BBX: variants seen among roughly 807,000 people sequenced by gnomAD.
The protein encoded by BBX is HMG box transcription factor BBX.
BBX carries 30 observed loss-of-function variants against 100.2 expected under a neutral mutation model. The ratio of observed to expected loss-of-function variants is 0.30; its 90% CI spans 0.22 to 0.41. The LOEUF (loss-of-function observed/expected upper bound fraction) is 0.41. Ranked by LOEUF, BBX falls within the 10% of genes least tolerant of loss-of-function variation. BBX has a pLI of 1.00. For synonymous variants in BBX, 376 were observed against 388.1 expected (o/e 0.97, Z 0.37); for missense variants, 1,023 against 1,129.8 (o/e 0.91, Z 1.35).
intron 2 of BBX, among the ~76,000 whole-genome samples, chr3:107,551,314 CTT>C (rs2049658293): frequency 6.6e-6 from 1 of 152,162 alleles, no homozygotes; most frequent in African/African-American, 2.4e-5. Context: ...AGTGACAACA[CTT>C]TGTTGATTTT....
chr3:107,726,976 G>A (rs927005352), intron 5 of BBX, among the ~76,000 whole-genome samples: 1 of 152,070 alleles, frequency 6.6e-6, no homozygotes, highest in African/African-American at 2.4e-5. Flanking sequence ...ATTAGTTTAA[G>A]CTGGACTCTA....
chr3:107,614,008 G>C (rs150061418), intron 2 of BBX, among the ~76,000 whole-genome samples: 10,260 of 134,332 alleles, frequency 0.076, 467 homozygotes, highest in Admixed American at 0.1. Flanking sequence ...CTGGAGTGCA[G>C]TGGCGCAATC....
intron 3 of BBX, among the ~76,000 whole-genome samples, chr3:107,648,259 G>A (rs1310970963): frequency 6.6e-6 from 1 of 152,044 alleles, no homozygotes; most frequent in Non-Finnish European, 1.5e-5. Flanking sequence ...CAATTCAAGA[G>A]TTTCTTGATG....
intron 3 of BBX, among the ~76,000 whole-genome samples, chr3:107,647,523 C>A (rs964521252): frequency 1.3e-5 from 2 of 152,142 alleles, no homozygotes; most frequent in Non-Finnish European, 2.9e-5. Flanking sequence ...ACCTTAATTG[C>A]AGATGGCTAA....
chr3:107,572,236 G>A (rs974312564), intron 2 of BBX, among the ~76,000 whole-genome samples: 8 of 152,080 alleles, frequency 5.3e-5, no homozygotes, highest in African/African-American at 1.9e-4. Flanking sequence ...AACTTTTCCC[G>A]TCTGCTATAT....
chr3:107,776,395 G>A (rs972466705), intron 12 of BBX: 4 of 152,108 alleles, frequency 2.6e-5, no homozygotes, highest in South Asian at 2.1e-4. Context: ...TTCTGAGGAA[G>A]GCACATGTGT....
chr3:107,568,105 G>T (rs1044032136), intron 2 of BBX, among the ~76,000 whole-genome samples: 1 of 151,390 alleles, frequency 6.6e-6, no homozygotes, highest in Non-Finnish European at 1.5e-5. Flanking sequence ...CTTTTCCTGA[G>T]AGTTTTTAAG....
At chr3:107,746,046 A>AT (rs933533431) in intron 8 of BBX, among the ~76,000 whole-genome samples, 4 of 152,222 alleles carry the variant, frequency 2.6e-5, no homozygotes, top group Non-Finnish European at 2.9e-5. Flanking sequence ...TTATAATAAC[A>AT]TCCCCCTCCC....
rs1336010578 is a variant in BBX at position 107,698,151 on chromosome 3, C to A, written c.-9-12301C>A. Among the ~76,000 whole-genome samples the A allele has an allele frequency of 1.3e-5, 2 of 151,798 alleles. 1 individual carries two copies. Among genetic ancestry groups the A allele is most frequent in the African/African-American group, 4.9e-5 (2 of 41,124 alleles). On this transcript the variant is annotated intron_variant, in intron 3 of 17. Transcript: ENST00000325805. ...CTCAGATGGAAATGCAGAAATCACC[C>A]GTCTTCTGGGTCGCTCACACTGGGA... is the stretch of plus-strand genomic sequence containing the variant.
Position 107,698,017 on chromosome 3 carries a change from C to A in BBX, c.-9-12435C>A, listed in dbSNP as rs187828007. Among the ~76,000 whole-genome samples, 80 of 152,040 alleles carry A rather than the reference C, an allele frequency of 5.3e-4. 3 individuals are homozygous for A. Among genetic ancestry groups the A allele is most frequent in the African/African-American group, 1.8e-3 (74 of 41,292 alleles). ...AGGAAGGGAACTCCCTGACCCCTTG[C>A]GCTTCCCGAGTGAGGCAATGCCTCG... On this transcript the variant is annotated intron_variant, in intron 3 of 17. Coordinates refer to ENST00000325805, the MANE Select transcript of BBX (RefSeq NM_001142568.3).
intron 2 of BBX, among the ~76,000 whole-genome samples, chr3:107,601,375 G>A (rs2054056207): frequency 6.6e-6 from 1 of 152,222 alleles, no homozygotes; most frequent in African/African-American, 2.4e-5. Flanking sequence ...AAAGGTGAGA[G>A]AGGTGAAATG....
intron 11 of BBX, among the ~76,000 whole-genome samples, chr3:107,774,373 G>T (rs1203183400): frequency 6.6e-6 from 1 of 152,136 alleles, no homozygotes; most frequent in African/African-American, 2.4e-5. Context: ...TGTCAGTTCA[G>T]TGAGTTTTAG....
chr3:107,545,774 T>C (rs1212636172), intron 2 of BBX, among the ~76,000 whole-genome samples: 1 of 152,180 alleles, frequency 6.6e-6, no homozygotes, highest in Non-Finnish European at 1.5e-5. Context: ...GCTCCCCTGG[T>C]CCAGTTTGGG....
rs2069800589 is a variant in BBX at position 107,797,339 on chromosome 3, T to TAC, written c.2354-1183_2354-1182insCA. 1.7e-4 allele frequency among the ~76,000 whole-genome samples: 12 copies of TAC among 71,564 alleles called. No individual in the cohort carries two copies. The South Asian group carries it at 3.3e-3, about 19-fold the overall frequency. 46.9% of individuals were successfully genotyped at this position (71,564 alleles called of 152,430 possible). A position where few individuals can be genotyped will look rare whatever the true frequency, so the allele number is the denominator to read the frequency against. On this transcript the variant is annotated intron_variant, in intron 15 of 17. Coordinates refer to ENST00000325805, the MANE Select transcript of BBX (RefSeq NM_001142568.3). Reference sequence around the variant, plus strand: ...CTCTTAGTTTAGCTTTTCTTCCAAATATATATATATATATATATATATATA... The same window carrying TAC: ...CTCTTAGTTTAGCTTTTCTTCCAAATACATATATATATATATATATATATATA...
intron 4 of BBX, among the ~76,000 whole-genome samples, chr3:107,710,945 C>T (rs1373645911): frequency 2.0e-5 from 3 of 152,186 alleles, no homozygotes; most frequent in Non-Finnish European, 2.9e-5. Context: ...TACCCTGTGG[C>T]TCTTCTGGCC....
At chr3:107,633,878 T>C (rs1164663742) in intron 2 of BBX, among the ~76,000 whole-genome samples, 3 of 152,222 alleles carry the variant, frequency 2.0e-5, no homozygotes, top group Admixed American at 6.5e-5. Flanking sequence ...TTCCTTCAAC[T>C]ATTGTGCCCC....
At chr3:107,786,768 A>G (rs1025984310) in intron 13 of BBX, among the ~76,000 whole-genome samples, 2 of 152,220 alleles carry the variant, frequency 1.3e-5, no homozygotes, top group Admixed American at 1.3e-4. Flanking sequence ...AGCCCAAGCA[A>G]CAAAAGACAA....
intron 2 of BBX, among the ~76,000 whole-genome samples, chr3:107,539,041 C>T (rs1029923359): frequency 5.9e-5 from 9 of 152,118 alleles, no homozygotes; most frequent in Admixed American, 2.0e-4. Flanking sequence ...CCTCCTTCCT[C>T]GGCCTCTCAA....
intron 7 of BBX, among the ~76,000 whole-genome samples, chr3:107,742,723 A>G (rs1326190000): frequency 6.6e-6 from 1 of 152,168 alleles, no homozygotes; most frequent in Admixed American, 6.6e-5. Flanking sequence ...AAGCACAAAC[A>G]TGTGTAGACT....
Sources: gnomAD v4.1 joint callset for allele counts (sites outside exome capture counted in the v4.1 genomes callset) on GRCh38, gnomAD v4.1.1 for gene constraint, MANE v1.5 for transcripts, NCBI Gene and HGNC (gene_info 2026-07-23, HGNC 2026-07-21) for gene names.